LDLRAD3: variants seen among roughly 807,000 people sequenced by gnomAD.
LDLRAD3 encodes low density lipoprotein receptor class A domain containing 3.
Under a neutral mutation model 29.4 loss-of-function variants are expected in LDLRAD3, and 20 were observed. The observed-to-expected ratio is 0.68, with a 90% CI of 0.48 to 0.99. The LOEUF (loss-of-function observed/expected upper bound fraction) is 0.99. Ranked by LOEUF, LDLRAD3 falls within the 50% of genes least tolerant of loss-of-function variation. The pLI is 0.00. For missense variants in LDLRAD3, 420 were observed against 454.3 expected, an observed-to-expected ratio of 0.92 and a Z score of 0.69; for synonymous variants, 157 against 192.7, an observed-to-expected ratio of 0.81 and a Z score of 1.53.
At chr11:36,083,748 A>G (rs1339750754) in intron 3 of LDLRAD3, among the ~76,000 whole-genome samples, 6 of 82,324 alleles carry the variant, frequency 7.3e-5, no homozygotes, top group Non-Finnish European at 1.3e-4. Context: ...ACACACACAC[A>G]CACACACACA....
intron 4 of LDLRAD3, among the ~76,000 whole-genome samples, chr11:36,156,490 C>T (rs1298623726): frequency 6.6e-6 from 1 of 152,202 alleles, no homozygotes; most frequent in Non-Finnish European, 1.5e-5. Flanking sequence ...GTTGGGTCTC[C>T]CAAGGCAGTG....
chr11:36,100,125 C>T (rs531023004), intron 4 of LDLRAD3, among the ~76,000 whole-genome samples: 4 of 152,026 alleles, frequency 2.6e-5, no homozygotes, highest in South Asian at 4.2e-4. Flanking sequence ...AATCAACTGG[C>T]GGGAGTGGGC....
chr11:36,104,459 A>G (rs1479962432), intron 4 of LDLRAD3, among the ~76,000 whole-genome samples: 1 of 152,172 alleles, frequency 6.6e-6, no homozygotes, highest in Admixed American at 6.5e-5. Flanking sequence ...GATAACTGAC[A>G]TACTGAATAC....
rs140414732 is a variant in LDLRAD3, at chr11:36,167,540, T to C, written c.455-59545T>C. Among the ~76,000 whole-genome samples the C allele has an allele frequency of 2.0e-5, 3 of 152,020 alleles. No individual in the cohort carries two copies. The East Asian group carries it at 5.8e-4, about 30-fold the overall frequency. On this transcript the variant is annotated intron_variant, in intron 4 of 5. Transcript: ENST00000315571. ...GACCACGTGAAGACAGAAACAGAGA[T>C]TGAGAGCTAAACACAATTGATCCAA...
intron 1 of LDLRAD3, among the ~76,000 whole-genome samples, chr11:36,013,950 A>G (rs1851988588): frequency 6.6e-6 from 1 of 152,192 alleles, no homozygotes; most frequent in Non-Finnish European, 1.5e-5. Context: ...CAGGCTTTGC[A>G]GGCACACCCC....
At chr11:36,192,331 C>T (rs539379230) in intron 4 of LDLRAD3, among the ~76,000 whole-genome samples, 3 of 152,326 alleles carry the variant, frequency 2.0e-5, no homozygotes, top group East Asian at 3.9e-4. Context: ...ACTGCACCCC[C>T]ACTTGTCTCC....
At chr11:36,087,868 C>G (rs1044094034) in intron 3 of LDLRAD3, among the ~76,000 whole-genome samples, 4 of 151,988 alleles carry the variant, frequency 2.6e-5, no homozygotes, top group African/African-American at 9.7e-5. Flanking sequence ...CGCACACTAC[C>G]ACACCAGGCT....
chr11:36,027,577 T>C (rs1179751548), intron 1 of LDLRAD3, among the ~76,000 whole-genome samples: 6 of 152,248 alleles, frequency 3.9e-5, no homozygotes, highest in African/African-American at 1.4e-4. Flanking sequence ...GAGATACATT[T>C]TGGGGCCTAT....
Position 35,971,998 on chromosome 11 carries a change from G to A in LDLRAD3, c.46+27854G>A, listed in dbSNP as rs80085878. Among the ~76,000 whole-genome samples, 26 of 152,278 alleles carry A rather than the reference G, an allele frequency of 1.7e-4. 1 individual carries two copies. Among genetic ancestry groups the A allele is most frequent in the Admixed American group, 4.6e-4 (7 of 15,300 alleles). ...CACTGAAGGAGCTGCCGGTGTGGGG[G>A]AGGAGTCCCAGTTGTCAGTAAGATG... On this transcript the variant is annotated intron_variant, in intron 1 of 5. Coordinates refer to ENST00000315571, the MANE Select transcript of LDLRAD3 (RefSeq NM_174902.4).
intron 1 of LDLRAD3, among the ~76,000 whole-genome samples, chr11:36,035,335 C>T (rs11827931): frequency 0.019 from 2,884 of 152,184 alleles, 66 homozygotes; most frequent in African/African-American, 0.051. Context: ...AACTCAGCAC[C>T]CTGCCCACCT....
At chr11:36,043,495 C>T (rs977586832) in intron 2 of LDLRAD3, among the ~76,000 whole-genome samples, 5 of 152,152 alleles carry the variant, frequency 3.3e-5, no homozygotes, top group African/African-American at 7.2e-5. Flanking sequence ...TCCAAACCCC[C>T]GGTATCTCAG....
chr11:36,091,051 G>C (rs1339542681), intron 3 of LDLRAD3, among the ~76,000 whole-genome samples: 1 of 152,320 alleles, frequency 6.6e-6, no homozygotes, highest in East Asian at 1.9e-4. Context: ...GTTTCCTGGG[G>C]CCAGGCGCCC....
chr11:36,207,006 A>G (rs553196844), intron 4 of LDLRAD3, among the ~76,000 whole-genome samples: 1 of 152,258 alleles, frequency 6.6e-6, no homozygotes, highest in East Asian at 1.9e-4. Flanking sequence ...GATTACAGGC[A>G]TGAACCACTG....
chr11:36,194,527 C>T (rs535252212), intron 4 of LDLRAD3, among the ~76,000 whole-genome samples: 1 of 152,194 alleles, frequency 6.6e-6, no homozygotes, highest in African/African-American at 2.4e-5. Context: ...AAGCCTGGTG[C>T]CACCACTGGG....
chr11:36,063,042 C>T (rs1268989761), intron 2 of LDLRAD3, among the ~76,000 whole-genome samples: 2 of 152,094 alleles, frequency 1.3e-5, no homozygotes, highest in African/African-American at 4.8e-5. Context: ...ATGTGGTGAT[C>T]TGGTGAGTTT....
rs118110943 is a variant in LDLRAD3, at chr11:36,117,988, T to C, written c.454+19527T>C. Among the ~76,000 whole-genome samples the C allele has an allele frequency of 1.4e-4, 21 of 152,214 alleles. No individual in the cohort carries two copies. In the East Asian group the frequency reaches 3.3e-3, roughly 24 times the overall value. ...AGTTGCCCTGGAGAATATCTAGTTA[T>C]AGTGATCCTTAACCAAAGGTGGTGG... is the stretch of plus-strand genomic sequence containing the variant. On this transcript the variant is annotated intron_variant, in intron 4 of 5. Coordinates refer to ENST00000315571, the MANE Select transcript of LDLRAD3 (RefSeq NM_174902.4).
intron 1 of LDLRAD3, among the ~76,000 whole-genome samples, chr11:35,953,872 A>G (rs1270569385): frequency 6.6e-6 from 1 of 152,180 alleles, no homozygotes; most frequent in Non-Finnish European, 1.5e-5. Context: ...ACATTGGCAT[A>G]AGCTTGATTA....
intron 4 of LDLRAD3, among the ~76,000 whole-genome samples, chr11:36,124,691 T>C (rs1458521483): frequency 7.0e-6 from 1 of 142,410 alleles, no homozygotes; most frequent in Admixed American, 7.0e-5. Context: ...TTTTCCTTTC[T>C]TTTTTTTTTT....
At chr11:36,197,747 C>T (rs983197976) in intron 4 of LDLRAD3, 6 of 152,162 alleles carry the variant, frequency 3.9e-5, no homozygotes, top group Non-Finnish European at 7.3e-5. Context: ...GGGAGGCATA[C>T]ACTGAATAAA....
Sources: gnomAD v4.1 joint callset for allele counts (sites outside exome capture counted in the v4.1 genomes callset) on GRCh38, gnomAD v4.1.1 for gene constraint, MANE v1.5 for transcripts, NCBI Gene and HGNC (gene_info 2026-07-23, HGNC 2026-07-21) for gene names.